UBXN2B: variants seen among roughly 807,000 people sequenced by gnomAD.
UBXN2B encodes UBX domain-containing protein 2B.
Under a neutral mutation model 37.5 loss-of-function variants are expected in UBXN2B, and 19 were observed. That is an observed-to-expected ratio of 0.51 (90% CI 0.35 to 0.74). The LOEUF is 0.74. UBXN2B is among the 30% of genes least tolerant of loss of function. UBXN2B has a pLI of 0.01. For missense variants in UBXN2B, 370 were observed against 393.2 expected, an observed-to-expected ratio of 0.94 and a Z score of 0.50; for synonymous variants, 145 against 143.8, an observed-to-expected ratio of 1.01 and a Z score of -0.06.
chr8:58,445,691 A>G (rs868778844), intron 6 of UBXN2B, among the ~76,000 whole-genome samples: 2 of 152,186 alleles, frequency 1.3e-5, no homozygotes, highest in East Asian at 1.9e-4. Flanking sequence ...TGAAGTTGCA[A>G]ACAGTTAAAT....
intron 1 of UBXN2B, 148 bp downstream of exon 1, chr8:58,411,617 T>A (rs1157973809): frequency 1.0e-5 from 6 of 600,588 alleles, no homozygotes; most frequent in Non-Finnish European, 1.5e-5. Flanking sequence ...GGTCTCCCGA[T>A]GTCGGGTCTT....
intron 2 of UBXN2B, chr8:58,425,578 C>T (rs182952470): frequency 1.7e-5 from 18 of 1,063,210 alleles, no homozygotes; most frequent in African/African-American, 1.2e-4. Flanking sequence ...ACCCTCTTTT[C>T]GGCCGTAGAG....
intron 1 of UBXN2B, among the ~76,000 whole-genome samples, chr8:58,416,344 T>G (rs185201534): frequency 6.6e-6 from 1 of 152,226 alleles, no homozygotes; most frequent in East Asian, 1.9e-4. Context: ...ATGGTCTTGT[T>G]TGTTCAGAAA....
At chr8:58,434,626 TG>T in intron 5 of UBXN2B, 122 bp downstream of exon 5, 1 of 910,476 alleles carries the variant, frequency 1.1e-6, no homozygotes, top group Non-Finnish European at 1.6e-6. Flanking sequence ...ATTAAATAAA[TG>T]GTTGCTGGGG....
At chr8:58,444,803 A>G (rs1458899052) in intron 6 of UBXN2B, among the ~76,000 whole-genome samples, 1 of 152,226 alleles carries the variant, frequency 6.6e-6, no homozygotes, top group Non-Finnish European at 1.5e-5. Context: ...AATCAGTTCT[A>G]AAATTAGCAT....
At chr8:58,411,809 T>A (rs1807646033) in intron 1 of UBXN2B, among the ~76,000 whole-genome samples, 1 of 152,190 alleles carries the variant, frequency 6.6e-6, no homozygotes. Flanking sequence ...AAGGTTACTG[T>A]GGCCGCAGGG....
At chr8:58,425,352 G>A in intron 2 of UBXN2B, 1 of 1,144,752 alleles carries the variant, frequency 8.7e-7, no homozygotes, top group Non-Finnish European at 1.3e-6. Flanking sequence ...TCCGCCAAAA[G>A]TCGTTCACCA....
At chr8:58,446,779 A>ATTCTTTTTTTTTTTTTTT (rs1808682530) in intron 7 of UBXN2B, among the ~76,000 whole-genome samples, 1 of 17,386 alleles carries the variant, frequency 5.8e-5, no homozygotes, top group Non-Finnish European at 1.0e-4. Context: ...TACAACCTGC[A>ATTCTTTTTTTTTTTTTTT]TTTTTTTTTT....
At chr8:58,441,902 T>G (rs1357240568) in intron 6 of UBXN2B, among the ~76,000 whole-genome samples, 1 of 152,172 alleles carries the variant, frequency 6.6e-6, no homozygotes, top group Non-Finnish European at 1.5e-5. Flanking sequence ...CTTGTGTAGT[T>G]TATAGAATAT....
intron 2 of UBXN2B, chr8:58,425,475 C>T (rs1808058097): frequency 8.9e-7 from 1 of 1,118,982 alleles, no homozygotes. Context: ...CTGAAACAGG[C>T]TCGTTGGGAT....
intron 5 of UBXN2B, among the ~76,000 whole-genome samples, chr8:58,436,825 G>A (rs1808424112): frequency 6.6e-6 from 1 of 152,192 alleles, no homozygotes; most frequent in Admixed American, 6.6e-5. Context: ...TCACCAGAAG[G>A]AGAATCTGGT....
At position 58,429,890 on chromosome 8, in the gene UBXN2B, C is replaced by T. The variant is rs181206654; in HGVS notation, c.189-629C>T. ...AGATAAAAGTAGGTTATTAATCTTA[C>T]GTAAAGGTAATTTTTATGTTTCCTA... On this transcript the variant is annotated intron_variant, in intron 2 of 7. Coordinates refer to ENST00000399598, the MANE Select transcript of UBXN2B (RefSeq NM_001077619.2). 4.6e-5 allele frequency among the ~76,000 whole-genome samples: 7 copies of T among 152,268 alleles called. 1 individual carries two copies. The highest frequency in any genetic ancestry group is 3.9e-4 in the Admixed American group (6 of 15,304).
chr8:58,429,504 C>T (rs1808192130), intron 2 of UBXN2B, among the ~76,000 whole-genome samples: 1 of 152,190 alleles, frequency 6.6e-6, no homozygotes, highest in Non-Finnish European at 1.5e-5. Flanking sequence ...CCACCTTCTG[C>T]AGTTTGTGGG....
At chr8:58,411,601 G>A in intron 1 of UBXN2B, 132 bp downstream of exon 1, 1 of 734,298 alleles carries the variant, frequency 1.4e-6, no homozygotes, top group Non-Finnish European at 1.9e-6. Flanking sequence ...ATAGAATCCG[G>A]CGCCCGGTCT....
intron 1 of UBXN2B, among the ~76,000 whole-genome samples, chr8:58,415,811 A>G (rs906475772): frequency 6.6e-6 from 1 of 152,110 alleles, no homozygotes; most frequent in Non-Finnish European, 1.5e-5. Context: ...CAAAGTTGCC[A>G]TTGTACAAAT....
At chr8:58,446,815 T>TTTTTTTTTTTG (rs1585622753) in intron 7 of UBXN2B, among the ~76,000 whole-genome samples, 1 of 127,278 alleles carries the variant, frequency 7.9e-6, no homozygotes, top group African/African-American at 3.0e-5. Flanking sequence ...TTTTTTTTTT[T>TTTTTTTTTTTG]GAGACAGAGT....
chr8:58,446,010 A>G lies in UBXN2B; in HGVS notation c.775A>G (p.Ile259Val), dbSNP rs1293604049. The G allele has an allele frequency of 6.2e-7, 1 of 1,613,380 alleles. No individual in the cohort carries two copies. Among genetic ancestry groups the G allele is most frequent in the Non-Finnish European group, 8.5e-7 (1 of 1,179,780 alleles). Residue 259 changes from isoleucine (I) to valine (V), a missense_variant, in exon 7 of 8, where the codon ATT becomes GTT. Ile to Val is a conservative substitution (Grantham distance 29, BLOSUM62 3). Around this residue, in one of 3 missense-constraint regions of UBXN2B, gnomAD observed 90 missense variants for 139.4 expected, o/e 0.65. Coordinates refer to ENST00000399598, the MANE Select transcript of UBXN2B (RefSeq NM_001077619.2). Reference sequence around the variant, plus strand: ...TGATGATTCAGTGCCAACAACAAAAATTCAAATCAGGTTAGCAGATGGGAG... The same window carrying G: ...TGATGATTCAGTGCCAACAACAAAAGTTCAAATCAGGTTAGCAGATGGGAG... ...LIDDSVPTTK[I>V]QIRLADGSRL...
At chr8:58,434,367 ATATTT>A (rs757129979) in intron 4 of UBXN2B, 23 bp from the exon 5 acceptor site, 2,063 of 437,892 alleles carry the variant, frequency 4.7e-3, no homozygotes, top group Middle Eastern at 7.9e-3. Context: ...ATATATATAT[ATATTT>A]TTTTTTTTTC....
rs569353114 is a variant in UBXN2B, at chr8:58,444,539, G to C, written c.672-1368G>C. Among the ~76,000 whole-genome samples, 5 of 152,264 alleles carry C rather than the reference G, an allele frequency of 3.3e-5. No homozygotes were observed. The South Asian group carries it at 8.3e-4, about 25-fold the overall frequency. On this transcript the variant is annotated intron_variant, in intron 6 of 7. Transcript: ENST00000399598. ...CAGAGGTGGTAATGGTGGTAGTGACGATGATAATGTGTATACCTGGTTATC... is the reference window on the plus strand; with the variant it reads ...CAGAGGTGGTAATGGTGGTAGTGACCATGATAATGTGTATACCTGGTTATC...
Sources: allele counts gnomAD v4.1 joint callset (sites outside exome capture counted in the v4.1 genomes callset), GRCh38; gene constraint gnomAD v4.1.1; regional missense constraint gnomAD v4.1.1; transcripts MANE v1.5; gene names NCBI Gene and HGNC (gene_info 2026-07-23, HGNC 2026-07-21).